Variants in CEP89 observed in about 807,000 individuals in gnomAD.
The protein encoded by CEP89 is centrosomal protein of 89 kDa.
In CEP89, 95 loss-of-function variants were observed where a neutral mutation model predicts 97.6. That is an observed-to-expected ratio of 0.97 (90% CI 0.82 to 1.15). The LOEUF is 1.15. Ranked by LOEUF, CEP89 falls within the 50% of genes most tolerant of loss-of-function variation. The probability of loss-of-function intolerance (pLI) is 0.00; values close to 1 mark genes in which losing one functional copy is unlikely to be tolerated. For synonymous variants in CEP89, 354 were observed against 349.1 expected, an observed-to-expected ratio of 1.01 and a Z score of -0.16; for missense variants, 869 against 947.7, an observed-to-expected ratio of 0.92 and a Z score of 1.09.
intron 13 of CEP89, among the ~76,000 whole-genome samples, chr19:32,918,013 G>C (rs1970163980): frequency 6.6e-6 from 1 of 152,218 alleles, no homozygotes; most frequent in Non-Finnish European, 1.5e-5. Context: ...ACAAACCCAT[G>C]GGATGATGAG....
chr19:32,923,419 A>G lies in CEP89; in HGVS notation c.1268+20T>C, dbSNP rs779930807. ...ATTTGTTTTAAATTAGCAAAAGAGC[A>G]GAAACACAATGCCACTTGCCATTCC... is the stretch of plus-strand genomic sequence containing the variant. On this transcript the variant is annotated intron_variant, in intron 12 of 18. Transcript: ENST00000305768. 9 of 1,266,460 alleles carry G rather than the reference A, an allele frequency of 7.1e-6. No individual in the cohort carries two copies. Among genetic ancestry groups the G allele is most frequent in the East Asian group, 2.4e-5 (1 of 41,872 alleles). 78.5% of individuals were successfully genotyped at this position (1,266,460 alleles called of 1,614,324 possible).
intron 4 of CEP89, 26 bp from the exon 5 acceptor site, chr19:32,948,394 CA>C: frequency 6.9e-7 from 1 of 1,447,714 alleles, no homozygotes; most frequent in Non-Finnish European, 9.6e-7. Flanking sequence ...GACAAAGGAG[CA>C]AAAAAGTGAG....
chr19:32,928,378 T>C (rs939737178), intron 9 of CEP89, among the ~76,000 whole-genome samples: 2 of 151,990 alleles, frequency 1.3e-5, no homozygotes, highest in African/African-American at 4.8e-5. Flanking sequence ...CCCTCCTCTC[T>C]CTCTCTCTCT....
At chr19:32,927,941 A>T (rs1422891735) in intron 9 of CEP89, among the ~76,000 whole-genome samples, 4 of 121,988 alleles carry the variant, frequency 3.3e-5, no homozygotes, top group Admixed American at 9.8e-5. Flanking sequence ...TTTTTGAGAC[A>T]GTCTCGCTCT....
At chr19:32,885,251 T>C (rs1969369961) in intron 17 of CEP89, among the ~76,000 whole-genome samples, 1 of 152,248 alleles carries the variant, frequency 6.6e-6, no homozygotes, top group South Asian at 2.1e-4. Context: ...CTAAGTCTTA[T>C]TTTACAGTTA....
chr19:32,933,742 T>C, intron 7 of CEP89, 73 bp from the exon 8 acceptor site: 2 of 1,054,618 alleles, frequency 1.9e-6, no homozygotes, highest in Non-Finnish European at 2.9e-6. Context: ...CAACTGACTT[T>C]GTTCCAAAAA....
intron 16 of CEP89, among the ~76,000 whole-genome samples, chr19:32,889,294 C>T (rs1033183067): frequency 6.6e-6 from 1 of 152,156 alleles, no homozygotes; most frequent in African/African-American, 2.4e-5. Flanking sequence ...CCTGCCCAGA[C>T]ATCCTGGCAG....
Position 32,914,460 on chromosome 19 carries a change from T to C in CEP89, c.1565+877A>G, listed in dbSNP as rs529121815. 2.6e-5 allele frequency among the ~76,000 whole-genome samples: 4 copies of C among 151,724 alleles called. No homozygotes were observed. The South Asian group carries it at 8.3e-4, about 32-fold the overall frequency. On this transcript the variant is annotated intron_variant, in intron 14 of 18. Transcript: ENST00000305768. ...TTATTATTATTTTTTTTGGTAGACA[T>C]GCAGTTTCGCCATGTTGCCCAGGCT...
intron 5 of CEP89, among the ~76,000 whole-genome samples, chr19:32,943,767 A>G (rs905915104): frequency 4.6e-5 from 7 of 152,142 alleles, no homozygotes; most frequent in African/African-American, 1.7e-4. Flanking sequence ...ATAAAAGAAC[A>G]GCAGAGTAGC....
At chr19:32,941,760 T>C (rs373975742) in intron 5 of CEP89, among the ~76,000 whole-genome samples, 191 of 152,192 alleles carry the variant, frequency 1.3e-3, no homozygotes, top group African/African-American at 4.2e-3. Context: ...CAACCACCTC[T>C]ACTGCCCACC....
At chr19:32,916,647 G>A (rs970406389) in intron 13 of CEP89, among the ~76,000 whole-genome samples, 1 of 152,070 alleles carries the variant, frequency 6.6e-6, no homozygotes, top group Admixed American at 6.6e-5. Flanking sequence ...ATTCCCAAGC[G>A]TCTGCCGACA....
At chr19:32,933,711 T>C (rs370846855) in intron 7 of CEP89, 42 bp from the exon 8 acceptor site, 136 of 1,242,152 alleles carry the variant, frequency 1.1e-4, no homozygotes, top group Admixed American at 2.8e-4. Flanking sequence ...TTAATTGATG[T>C]TGACAATGTT....
At chr19:32,960,665 C>G (rs931693303) in intron 2 of CEP89, among the ~76,000 whole-genome samples, 2 of 151,968 alleles carry the variant, frequency 1.3e-5, no homozygotes, top group African/African-American at 4.8e-5. Context: ...AAAAAATTAG[C>G]CAGGTGTGGT....
rs1302000727 is a variant in CEP89 at position 32,948,352 on chromosome 19, T to A, written c.509A>T (p.Glu170Val). 1 of 1,607,840 alleles carries A rather than the reference T, an allele frequency of 6.2e-7. No homozygotes were observed. Among genetic ancestry groups the A allele is most frequent in the Non-Finnish European group, 8.5e-7 (1 of 1,176,496 alleles). The change falls in exon 5 of 19, where the codon GAG becomes GTG. Residue 170 changes from glutamate (E) to valine (V), a missense_variant. By Grantham distance (121) the Glu-to-Val change is moderately radical. Transcript: ENST00000305768. ...ATTTTCATCGTCTTCACTGTTCACC[T>A]CATGTAACAATGGCACCTTTTTGTT... The part of the protein sequence containing the change: ...PHRNQVPLLH[E>V]VNSEDDENIS...
Position 32,933,627 on chromosome 19 carries a change from C to G in CEP89, c.710G>C (p.Arg237Thr), listed in dbSNP as rs760885602. ...TTCTTTTAATGCCTCAAACTTTTCT[C>G]TGGTTATTTCTGTATATCTTTGACG... ...RARQRYTEIT[R>T]EKFEALKEEN... Residue 237 changes from arginine to threonine, a missense_variant, in exon 8 of 19, where the codon AGA (arginine) becomes ACA (threonine). Coordinates refer to ENST00000305768, the MANE Select transcript of CEP89 (RefSeq NM_032816.5). 6.2e-7 allele frequency: 1 copy of G among 1,613,068 alleles called. No individual in the cohort carries two copies. The highest frequency in any genetic ancestry group is 8.5e-7 in the Non-Finnish European group (1 of 1,179,100).
chr19:32,900,664 A>G (rs1969747115), intron 15 of CEP89, among the ~76,000 whole-genome samples: 1 of 152,182 alleles, frequency 6.6e-6, no homozygotes, highest in African/African-American at 2.4e-5. Flanking sequence ...CTTTTAGGAA[A>G]TGGTTAGAAA....
Position 32,878,960 on chromosome 19 carries a change from T to G in CEP89, c.*202A>C. The G allele has an allele frequency of 2.8e-6, 1 of 362,074 alleles. No individual in the cohort carries two copies. Among genetic ancestry groups the G allele is most frequent in the Non-Finnish European group, 4.9e-6 (1 of 205,092 alleles). 22.4% of individuals were successfully genotyped at this position (362,074 alleles called of 1,614,324 possible). A position where few individuals can be genotyped will look rare whatever the true frequency, so the allele number is the denominator to read the frequency against. On this transcript the variant is annotated 3_prime_UTR_variant, in exon 19 of 19. Coordinates refer to ENST00000305768, the MANE Select transcript of CEP89 (RefSeq NM_032816.5). ...ATGGGCAACAGAGTGAGACCCTAGC[T>G]CTAAAAAAAAAAAAAAATTAAAAAA... is the stretch of plus-strand genomic sequence containing the variant.
intron 12 of CEP89, among the ~76,000 whole-genome samples, chr19:32,919,482 T>C (rs1036217): frequency 0.23 from 34,343 of 152,070 alleles, 4,066 homozygotes; most frequent in Admixed American, 0.33. Flanking sequence ...GCTGTAACAA[T>C]GGTGTGGCCC....
intron 5 of CEP89, among the ~76,000 whole-genome samples, chr19:32,940,824 A>G (rs1970673511): frequency 6.6e-6 from 1 of 150,932 alleles, no homozygotes; most frequent in Admixed American, 6.6e-5. Context: ...ACAATGGTGC[A>G]ATCTTGGCTC....
Sources: gnomAD v4.1 joint callset for allele counts (sites outside exome capture counted in the v4.1 genomes callset) on GRCh38, gnomAD v4.1.1 for gene constraint, MANE v1.5 for transcripts, NCBI Gene and HGNC (gene_info 2026-07-23, HGNC 2026-07-21) for gene names.